UGT1A8: variants seen among roughly 807,000 people sequenced by gnomAD.
UGT1A8 encodes the protein UDP glucuronosyltransferase family 1 member A8, also known as UDP-glucuronosyltransferase 1A8.
Under a neutral mutation model 45.3 loss-of-function variants are expected in UGT1A8, and 39 were observed. The ratio of observed to expected loss-of-function variants is 0.86; its 90% CI spans 0.67 to 1.12. The LOEUF is 1.12. Among genes scored for constraint, UGT1A8 ranks in the 50% most tolerant of loss-of-function variants. UGT1A8 has a pLI of 0.00. For missense variants in UGT1A8, 719 were observed against 664.9 expected, an observed-to-expected ratio of 1.08 and a Z score of -0.90; for synonymous variants, 275 against 249.2, an observed-to-expected ratio of 1.10 and a Z score of -0.97.
chr2:233,708,719 T>C (rs62191898), intron 1 of UGT1A8: 22,793 of 151,908 alleles, frequency 0.15, 2,024 homozygotes, highest in South Asian at 0.24. Flanking sequence ...TCATTGCACC[T>C]CAGCCTGGGC....
chr2:233,706,801 G>A (rs2075925244), intron 1 of UGT1A8, among the ~76,000 whole-genome samples: 1 of 152,164 alleles, frequency 6.6e-6, no homozygotes, highest in African/African-American at 2.4e-5. Context: ...GCACCAATTA[G>A]GTTGGGTTGC....
Position 233,766,962 on chromosome 2 carries a change from T to G in UGT1A8, c.856-72T>G, listed in dbSNP as rs1699292414. 20 of 1,607,676 alleles carry G rather than the reference T, an allele frequency of 1.2e-5. No homozygotes were observed. In the East Asian group the frequency reaches 4.5e-4, roughly 36 times the overall value. ...TAGTCTTAAGAGGAAGATATCTAAT[T>G]CATAACTTACTGTATGTAGTCATCA... On this transcript the variant is annotated intron_variant, in intron 1 of 4. Coordinates refer to ENST00000373450, the MANE Select transcript of UGT1A8 (RefSeq NM_019076.5).
At chr2:233,645,030 G>T (rs113127669) in intron 1 of UGT1A8, among the ~76,000 whole-genome samples, 144 of 152,234 alleles carry the variant, frequency 9.5e-4, no homozygotes, top group African/African-American at 3.4e-3. Flanking sequence ...GGAGCAGGTA[G>T]ACCACTTTGA....
intron 1 of UGT1A8, among the ~76,000 whole-genome samples, chr2:233,761,822 T>C (rs1451181524): frequency 6.6e-6 from 1 of 152,180 alleles, no homozygotes; most frequent in Non-Finnish European, 1.5e-5. Context: ...AGAGGCTCCT[T>C]CAGATGGAGC....
At chr2:233,724,314 G>A (rs1472414004) in intron 1 of UGT1A8, among the ~76,000 whole-genome samples, 88 of 143,820 alleles carry the variant, frequency 6.1e-4, no homozygotes, top group Middle Eastern at 3.9e-3. Context: ...CCTCCCGGAC[G>A]GGGCGGCTGG....
rs570830637 is a variant in UGT1A8 at position 233,672,193 on chromosome 2, G to C, written c.855+53631G>C. 3 of 1,614,186 alleles carry C rather than the reference G, an allele frequency of 1.9e-6. No individual in the cohort carries two copies. In the South Asian group the frequency reaches 3.3e-5, roughly 18 times the overall value. On this transcript the variant is annotated intron_variant, in intron 1 of 4. Transcript: ENST00000373450. ...AACTTCATATACCCTGGAGGATCTGGACCGGGAGTTCAAGGCTTTTGCCCA... is the reference window on the plus strand; with the variant it reads ...AACTTCATATACCCTGGAGGATCTGCACCGGGAGTTCAAGGCTTTTGCCCA...
intron 1 of UGT1A8, among the ~76,000 whole-genome samples, chr2:233,635,500 G>A (rs1039991072): frequency 2.7e-5 from 4 of 150,806 alleles, no homozygotes; most frequent in Non-Finnish European, 5.9e-5. Context: ...ACAATTGGGA[G>A]GGCAGTGCCA....
Position 233,768,243 on chromosome 2 carries a change from A to T in UGT1A8, c.1099A>T (p.Ile367Phe). The T allele has an allele frequency of 6.2e-7, 1 of 1,614,146 alleles. No individual in the cohort carries two copies. The highest frequency in any genetic ancestry group is 8.5e-7 in the Non-Finnish European group (1 of 1,180,022). Residue 367 changes from isoleucine to phenylalanine, a missense_variant, in exon 4 of 5, where the codon ATC (isoleucine) becomes TTC (phenylalanine). Ile to Phe is a conservative substitution (Grantham distance 21). Transcript: ENST00000373450. The part of the protein sequence containing the change: ...LLGHPMTRAF[I>F]THAGSHGVYE... Reference sequence around the variant, plus strand: ...AGGTCACCCGATGACCCGTGCCTTTATCACCCATGCTGGTTCCCATGGTGT... The same window carrying T: ...AGGTCACCCGATGACCCGTGCCTTTTTCACCCATGCTGGTTCCCATGGTGT...
intron 1 of UGT1A8, chr2:233,718,781 G>A (rs767988524): frequency 3.7e-6 from 6 of 1,612,904 alleles, no homozygotes; most frequent in Non-Finnish European, 4.2e-6. Flanking sequence ...AGCAGGCACA[G>A]CGTGGGGTGG....
intron 1 of UGT1A8, chr2:233,694,016 A>T: frequency 2.2e-6 from 3 of 1,386,912 alleles, no homozygotes; most frequent in Non-Finnish European, 2.9e-6. Flanking sequence ...GCGGGAACAC[A>T]TAGGAGACCT....
chr2:233,768,052 A>T, intron 3 of UGT1A8, 116 bp downstream of exon 3: 1 of 1,605,578 alleles, frequency 6.2e-7, no homozygotes, highest in South Asian at 1.1e-5. Context: ...AACATATCCT[A>T]CATTGCTTTT....
Position 233,772,634 on chromosome 2 carries a change from T to C in UGT1A8, c.*75T>C. On this transcript the variant is annotated 3_prime_UTR_variant, in exon 5 of 5. Transcript: ENST00000373450. ...CCAAACTTGAAAACAGAATCAGTGT[T>C]AAATTCATTTTATTCTTATTAAGGA... The C allele has an allele frequency of 6.4e-7, 1 of 1,555,940 alleles. No individual in the cohort carries two copies. The highest frequency in any genetic ancestry group is 2.4e-5 in the East Asian group (1 of 41,342).
chr2:233,772,307 C>G lies in UGT1A8; in HGVS notation c.1341C>G (p.Arg447=), dbSNP rs1321809873. The G allele has an allele frequency of 6.2e-7, 1 of 1,614,232 alleles. No homozygotes were observed. The highest frequency in any genetic ancestry group is 1.7e-5 in the Admixed American group (1 of 60,028). Residue 447 remains arginine (R), a synonymous_variant, in exon 5 of 5, where the codon CGC becomes CGG. Coordinates refer to ENST00000373450, the MANE Select transcript of UGT1A8 (RefSeq NM_019076.5). ...IMRLSSLHKD[R]PVEPLDLAVF... ...GCCTCTCCAGCCTTCACAAGGACCGCCCGGTGGAGCCGCTGGACCTGGCCG... is the reference window on the plus strand; with the variant it reads ...GCCTCTCCAGCCTTCACAAGGACCGGCCGGTGGAGCCGCTGGACCTGGCCG...
At chr2:233,691,505 T>G in intron 1 of UGT1A8, 1 of 985,776 alleles carries the variant, frequency 1.0e-6, no homozygotes, top group Non-Finnish European at 1.2e-6. Context: ...GGAACTCGCG[T>G]GCCAGCCAGG....
intron 1 of UGT1A8, among the ~76,000 whole-genome samples, chr2:233,658,759 C>G (rs1575406525): frequency 6.6e-6 from 1 of 152,212 alleles, no homozygotes; most frequent in Non-Finnish European, 1.5e-5. Context: ...TGTCTTTGCA[C>G]TTTTGTAAAA....
chr2:233,670,785 G>A (rs1288900821), intron 1 of UGT1A8, among the ~76,000 whole-genome samples: 1 of 152,126 alleles, frequency 6.6e-6, no homozygotes, highest in Non-Finnish European at 1.5e-5. Flanking sequence ...GGTTCTGGGT[G>A]GCTAGGGGCA....
chr2:233,756,999 G>C (rs889615552), intron 1 of UGT1A8, among the ~76,000 whole-genome samples: 1 of 151,918 alleles, frequency 6.6e-6, no homozygotes, highest in African/African-American at 2.4e-5. Context: ...AGCTGGCCAA[G>C]GGTAGAGTTC....
At position 233,758,345 on chromosome 2, in the gene UGT1A8, T is replaced by G. The variant is rs2125964411; in HGVS notation, c.856-8689T>G. Among the ~76,000 whole-genome samples, 4 of 152,362 alleles carry G rather than the reference T, an allele frequency of 2.6e-5. 1 individual carries two copies. In the Middle Eastern group the frequency reaches 0.01, roughly 389 times the overall value. On this transcript the variant is annotated intron_variant, in intron 1 of 4. Transcript: ENST00000373450. ...CCTCAAAAAGCTTGGAAGCTCTGCA[T>G]GATGCAGGAAAGTCATAAAATCATT...
Position 233,653,043 on chromosome 2 carries a change from A to T in UGT1A8, c.855+34481A>T, listed in dbSNP as rs578123386. ...AGTGAACCCACATGGCCTCTCTAAG[A>T]TGTGCAAGTAAACATGTACGTGCCT... On this transcript the variant is annotated intron_variant, in intron 1 of 4. Coordinates refer to ENST00000373450, the MANE Select transcript of UGT1A8 (RefSeq NM_019076.5). Among the ~76,000 whole-genome samples, 6 of 152,342 alleles carry T rather than the reference A, an allele frequency of 3.9e-5. No individual in the cohort carries two copies. The East Asian group carries it at 1.2e-3, about 29-fold the overall frequency.
Sources: allele counts gnomAD v4.1 joint callset (sites outside exome capture counted in the v4.1 genomes callset), GRCh38; gene constraint gnomAD v4.1.1; transcripts MANE v1.5; gene names NCBI Gene and HGNC (gene_info 2026-07-23, HGNC 2026-07-21).